The following TTC3 variants were observed in gnomAD, a reference collection of about 807,000 sequenced individuals.
TTC3 encodes E3 ubiquitin-protein ligase TTC3.
A neutral mutation model predicts 249.6 loss-of-function variants in TTC3; 180 were observed. The observed-to-expected ratio is 0.72, with a 90% CI of 0.64 to 0.82. TTC3 has a LOEUF of 0.82. Among genes scored for constraint, TTC3 ranks in the 40% least tolerant of loss-of-function variants. TTC3 has a pLI of 0.00. For synonymous variants in TTC3, 717 were observed against 805.0 expected, an observed-to-expected ratio of 0.89 and a Z score of 1.85; for missense variants, 2,061 against 2,398.4, an observed-to-expected ratio of 0.86 and a Z score of 2.94.
intron 27 of TTC3, among the ~76,000 whole-genome samples, chr21:37,154,253 C>G (rs2079773901): frequency 6.6e-6 from 1 of 152,198 alleles, no homozygotes; most frequent in South Asian, 2.1e-4. Context: ...CAGAGTGAGG[C>G]CTGCTAAGCC....
At chr21:37,174,363 A>G (rs906461648) in intron 35 of TTC3, among the ~76,000 whole-genome samples, 3 of 152,216 alleles carry the variant, frequency 2.0e-5, no homozygotes, top group African/African-American at 7.2e-5. Flanking sequence ...CGTAAAATGT[A>G]TACCTATTCC....
At chr21:37,084,765 C>A (rs543126414) in intron 1 of TTC3, among the ~76,000 whole-genome samples, 9 of 152,220 alleles carry the variant, frequency 5.9e-5, no homozygotes, top group African/African-American at 1.9e-4. Context: ...GAGGCCGAGG[C>A]GGGCGGATCA....
At chr21:37,097,898 T>G (rs1373541811) in intron 10 of TTC3, 3 of 702,288 alleles carry the variant, frequency 4.3e-6, no homozygotes, top group Non-Finnish European at 7.9e-6. Flanking sequence ...ATTGTGTTTT[T>G]CTTTTATTGT....
intron 10 of TTC3, among the ~76,000 whole-genome samples, chr21:37,104,311 C>T (rs1259650427): frequency 6.6e-6 from 1 of 151,982 alleles, no homozygotes; most frequent in Non-Finnish European, 1.5e-5. Flanking sequence ...CTTTGAAGGC[C>T]AGGCATGGTG....
intron 15 of TTC3, among the ~76,000 whole-genome samples, 199 bp from the exon 16 acceptor site, chr21:37,128,804 C>G (rs1364187068): frequency 3.3e-5 from 5 of 151,950 alleles, no homozygotes; most frequent in East Asian, 1.9e-4. Context: ...TATAATTGAT[C>G]TTTAATAATT....
chr21:37,143,452 CAAAAG>C (rs2078681904), intron 20 of TTC3, among the ~76,000 whole-genome samples: 1 of 152,030 alleles, frequency 6.6e-6, no homozygotes, highest in African/African-American at 2.4e-5. Context: ...AGACACTTCT[CAAAAG>C]AAGACATTTA....
intron 26 of TTC3, among the ~76,000 whole-genome samples, chr21:37,152,472 C>T (rs1432505668): frequency 8.6e-5 from 13 of 151,286 alleles, no homozygotes; most frequent in South Asian, 4.2e-4. Context: ...CTGCAAGCTC[C>T]GCCTCCCGGG....
chr21:37,177,564 A>G (rs111599590), intron 35 of TTC3, among the ~76,000 whole-genome samples: 1 of 152,214 alleles, frequency 6.6e-6, no homozygotes, highest in Non-Finnish European at 1.5e-5. Flanking sequence ...AGTTCTCTAC[A>G]TTGTTCTCTA....
At chr21:37,144,024 G>T (rs9982822) in intron 20 of TTC3, among the ~76,000 whole-genome samples, 1 of 150,926 alleles carries the variant, frequency 6.6e-6, no homozygotes, top group Admixed American at 6.6e-5. Flanking sequence ...GTTCTCACTC[G>T]TAGGTGGGAA....
intron 29 of TTC3, 136 bp from the exon 30 acceptor site, chr21:37,160,666 T>C (rs906511351): frequency 6.1e-5 from 51 of 834,406 alleles, no homozygotes; most frequent in Non-Finnish European, 8.6e-5. Context: ...GCTGATACAC[T>C]GTAGTGTTAT....
At chr21:37,079,517 G>GTTTTTTTTTTTTTTTTTTT (rs60361476) in intron 1 of TTC3, among the ~76,000 whole-genome samples, 1 of 91,180 alleles carries the variant, frequency 1.1e-5, no homozygotes, top group African/African-American at 4.8e-5. Flanking sequence ...TTATGGTATG[G>GTTTTTTTTTTTTTTTTTTT]TTTTTTTTTT....
chr21:37,124,304 C>T (rs1288033112), intron 13 of TTC3, among the ~76,000 whole-genome samples: 3 of 150,958 alleles, frequency 2.0e-5, no homozygotes, highest in African/African-American at 4.9e-5. Context: ...TTAGTAGAGA[C>T]GGGGGTCTCA....
chr21:37,155,148 CACTT>C (rs2079901566), intron 27 of TTC3, among the ~76,000 whole-genome samples: 1 of 152,158 alleles, frequency 6.6e-6, no homozygotes, highest in African/African-American at 2.4e-5. Context: ...GTAAAATGCA[CACTT>C]ACTTAAATAG....
exon 36 of TTC3, chr21:37,182,912 A>G: frequency 3.2e-6 from 5 of 1,556,660 alleles, no homozygotes; most frequent in Non-Finnish European, 4.3e-6. Context: ...TGCCAGTGAA[A>G]TGTAAGTAAT....
rs60538841 is a variant in TTC3, at chr21:37,192,491, T to TTGTGTGTGTGTGTGTGTGTGTGTG, written c.5217+288_5217+311dup. Among the ~76,000 whole-genome samples, 219 of 140,676 alleles carry TTGTGTGTGTGTGTGTGTGTGTGTG rather than the reference T, an allele frequency of 1.6e-3. 1 individual carries two copies. Among genetic ancestry groups the TTGTGTGTGTGTGTGTGTGTGTGTG allele is most frequent in the African/African-American group, 5.6e-3 (206 of 36,864 alleles). The allele number at this position is 140,676 out of a possible 152,430, so 92.3% of individuals were successfully genotyped here. ...ATGTTCCTTGGCCTGTCTTCTATCT[T>TTGTGTGTGTGTGTGTGTGTGTGTG]TGTGTGTGTGTGTGTGTGTGTGTGT... On this transcript the variant is annotated intron_variant, in intron 41 of 45. Transcript: ENST00000355666.
Position 37,187,178 on chromosome 21 carries a change from A to AT in TTC3, c.4923+36dup, listed in dbSNP as rs767657520. 3.4e-6 allele frequency: 5 copies of AT among 1,458,500 alleles called. No homozygotes were observed. In the South Asian group the frequency reaches 6.5e-5, roughly 19 times the overall value. 90.3% of individuals were successfully genotyped at this position (1,458,500 alleles called of 1,614,324 possible). On this transcript the variant is annotated intron_variant, in intron 38 of 45. Transcript: ENST00000355666. Reference sequence around the variant, plus strand: ...CATGACACTTAGTGACCACTATGGCATTTGTCATTTGTTTTTGTGTTTCTT... The same window carrying AT: ...CATGACACTTAGTGACCACTATGGCATTTTGTCATTTGTTTTTGTGTTTCTT...
chr21:37,156,038 GTTTGTT>G (rs2080033159), intron 27 of TTC3, among the ~76,000 whole-genome samples: 1 of 107,702 alleles, frequency 9.3e-6, no homozygotes. Flanking sequence ...CATTGTTTGG[GTTTGTT>G]TTTTTTTTTA....
chr21:37,136,067 CTG>C (rs1456193558), intron 18 of TTC3, among the ~76,000 whole-genome samples: 5 of 152,128 alleles, frequency 3.3e-5, no homozygotes, highest in Non-Finnish European at 7.4e-5. Context: ...GCACTACAAT[CTG>C]TGCCTATGTA....
chr21:37,112,161 A>G (rs1419188228), intron 11 of TTC3, among the ~76,000 whole-genome samples: 2 of 152,170 alleles, frequency 1.3e-5, no homozygotes, highest in African/African-American at 4.8e-5. Flanking sequence ...AAACACATGC[A>G]AAAGCTAGCA....
Sources: allele counts gnomAD v4.1 joint callset (sites outside exome capture counted in the v4.1 genomes callset), GRCh38; gene constraint gnomAD v4.1.1; transcripts MANE v1.5; gene names NCBI Gene and HGNC (gene_info 2026-07-23, HGNC 2026-07-21).